Variants in GPHN observed in about 807,000 individuals in gnomAD.
GPHN encodes gephyrin.
In GPHN, 17 loss-of-function variants were observed where a neutral mutation model predicts 95.5. The observed-to-expected ratio is 0.18, with a 90% CI of 0.12 to 0.27. GPHN has a LOEUF of 0.27. Among genes scored for constraint, GPHN ranks in the 10% least tolerant of loss-of-function variants. GPHN has a pLI of 1.00. For synonymous variants in GPHN, 320 were observed against 322.5 expected (o/e 0.99, Z 0.08); for missense variants, 660 against 978.1 (o/e 0.67, Z 4.34).
intron 2 of GPHN, among the ~76,000 whole-genome samples, chr14:66,766,867 C>T (rs1290921115): frequency 6.6e-6 from 1 of 152,018 alleles, no homozygotes; most frequent in African/African-American, 2.4e-5. Context: ...CTTGCCTCTG[C>T]TTCCAGTCTT....
chr14:67,620,872 G>A, the GPHN span: 2 of 1,613,660 alleles, frequency 1.2e-6, no homozygotes, highest in Admixed American at 1.7e-5. Context: ...ACCTCTAATT[G>A]TGTAATTTGT....
chr14:67,225,059 A>C, the GPHN span: 14 of 1,379,716 alleles, frequency 1.0e-5, no homozygotes, highest in East Asian at 8.1e-5. Context: ...TTTCTTTCTC[A>C]CTTCCTCTCT....
intron 9 of GPHN, among the ~76,000 whole-genome samples, chr14:66,986,902 ATTTG>A (rs1403000782): frequency 3.3e-5 from 5 of 152,000 alleles, no homozygotes; most frequent in East Asian, 1.9e-4. Flanking sequence ...GTTATTGTTT[ATTTG>A]TTTGTGTGTG....
the GPHN span, chr14:67,336,841 T>C: frequency 2.2e-6 from 1 of 447,500 alleles, no homozygotes; most frequent in Non-Finnish European, 4.5e-6. Flanking sequence ...GAACCTAAGA[T>C]TTTATTCTGT....
chr14:67,128,131 C>G (rs2079445353), intron 17 of GPHN, among the ~76,000 whole-genome samples: 1 of 152,198 alleles, frequency 6.6e-6, no homozygotes, highest in Non-Finnish European at 1.5e-5. Flanking sequence ...CCTTTTCATT[C>G]TGTATGCTAA....
intron 10 of GPHN, among the ~76,000 whole-genome samples, chr14:67,026,097 T>A (rs1003177126): frequency 6.6e-6 from 1 of 152,226 alleles, no homozygotes; most frequent in African/African-American, 2.4e-5. Flanking sequence ...TATTAAAATC[T>A]CAATTTCTCT....
intron 10 of GPHN, among the ~76,000 whole-genome samples, chr14:67,038,459 T>C (rs1306227724): frequency 2.0e-5 from 3 of 152,162 alleles, no homozygotes; most frequent in South Asian, 2.1e-4. Context: ...AAAATGTATA[T>C]AGATTAAGCA....
chr14:66,899,118 TTTTC>T (rs1411621457), intron 5 of GPHN, among the ~76,000 whole-genome samples: 2 of 130,540 alleles, frequency 1.5e-5, no homozygotes, highest in African/African-American at 3.8e-5. Flanking sequence ...TAGGAGGGCT[TTTTC>T]TTTTTTTTTT....
chr14:67,718,721 G>T, the GPHN span, among the ~76,000 whole-genome samples: 5 of 152,268 alleles, frequency 3.3e-5, no homozygotes, highest in East Asian at 9.6e-4. Context: ...GTCCCAGATT[G>T]AAAATCCCTA....
the GPHN span, among the ~76,000 whole-genome samples, chr14:67,376,852 A>G: frequency 6.6e-6 from 1 of 152,182 alleles, no homozygotes; most frequent in Non-Finnish European, 1.5e-5. Context: ...ACTAAAGAGC[A>G]TGTCTCACCA....
the GPHN span, among the ~76,000 whole-genome samples, chr14:67,422,146 G>T: frequency 6.6e-6 from 1 of 152,084 alleles, no homozygotes; most frequent in Non-Finnish European, 1.5e-5. Context: ...TACACCCAGG[G>T]AGACAATATT....
chr14:66,702,352 C>G (rs1477265954), intron 2 of GPHN, among the ~76,000 whole-genome samples: 3 of 152,186 alleles, frequency 2.0e-5, no homozygotes, highest in Non-Finnish European at 2.9e-5. Context: ...GTGAGACCCT[C>G]CAAAAGGGAT....
At position 66,730,516 on chromosome 14, in the gene GPHN, G is replaced by A. The variant is rs1435549690; in HGVS notation, c.144-45948G>A. On this transcript the variant is annotated intron_variant, in intron 2 of 22. Transcript: ENST00000478722. ...TTTTTTACTAAAATGTTGGGGTAGGGTGATATGTGGATAGACAAAAAAGTT... is the reference window on the plus strand; with the variant it reads ...TTTTTTACTAAAATGTTGGGGTAGGATGATATGTGGATAGACAAAAAAGTT... 5.3e-5 allele frequency among the ~76,000 whole-genome samples: 8 copies of A among 152,122 alleles called. No individual in the cohort carries two copies. In the East Asian group the frequency reaches 1.3e-3, roughly 26 times the overall value.
the GPHN span, chr14:67,690,490 G>A: frequency 1.5e-6 from 2 of 1,323,274 alleles, no homozygotes; most frequent in Non-Finnish European, 2.2e-6. Context: ...TGGTGAGCAG[G>A]CCTCACCTAT....
the GPHN span, chr14:67,392,959 G>A: frequency 1.1e-5 from 11 of 967,876 alleles, no homozygotes; most frequent in South Asian, 3.2e-5. Context: ...AGGGCTCTAC[G>A]CAAGAGCAGA....
intron 1 of GPHN, among the ~76,000 whole-genome samples, chr14:66,538,679 A>T (rs1199084192): frequency 6.6e-6 from 1 of 150,476 alleles, no homozygotes; most frequent in Non-Finnish European, 1.5e-5. Flanking sequence ...CCCTTTCATT[A>T]GCCTATGGAT....
the GPHN span, among the ~76,000 whole-genome samples, chr14:67,439,577 C>CTT: frequency 3.8e-5 from 4 of 106,014 alleles, no homozygotes; most frequent in South Asian, 3.2e-4. Context: ...TTCTTTCTTT[C>CTT]TTTCTTTCTT....
At chr14:67,349,921 T>C in the GPHN span, among the ~76,000 whole-genome samples, 1 of 152,214 alleles carries the variant, frequency 6.6e-6, no homozygotes, top group Non-Finnish European at 1.5e-5. Context: ...AGGCATCATG[T>C]CATTAGGAAA....
the GPHN span, chr14:67,383,371 T>C: frequency 1.9e-6 from 3 of 1,613,644 alleles, no homozygotes; most frequent in Non-Finnish European, 2.5e-6. Flanking sequence ...TGGAGAGGCT[T>C]GAAAGAGAAA....
Sources: allele counts gnomAD v4.1 joint callset (sites outside exome capture counted in the v4.1 genomes callset), GRCh38; gene constraint gnomAD v4.1.1; transcripts MANE v1.5; gene names NCBI Gene and HGNC (gene_info 2026-07-23, HGNC 2026-07-21).